Variants in ZDHHC11B observed in about 807,000 individuals in gnomAD.
ZDHHC11B encodes probable palmitoyltransferase ZDHHC11B.
ZDHHC11B carries 17 observed loss-of-function variants against 42.3 expected under a neutral mutation model. The ratio of observed to expected loss-of-function variants is 0.40; its 90% CI spans 0.27 to 0.60. ZDHHC11B has a LOEUF of 0.60. Ranked by LOEUF, ZDHHC11B falls within the 20% of genes least tolerant of loss-of-function variation. ZDHHC11B has a pLI of 0.41. For missense variants in ZDHHC11B, 262 were observed against 463.2 expected (o/e 0.57, Z 3.99); for synonymous variants, 123 against 193.5 (o/e 0.64, Z 3.02).
In ZDHHC11B at chr5:773,421, C is replaced by A. The variant is rs139584692; in HGVS notation, c.-229-4491G>T. Among the ~76,000 whole-genome samples the A allele has an allele frequency of 8.5e-3, 1,285 of 151,752 alleles. 39 individuals carry two copies. Among genetic ancestry groups the A allele is most frequent in the African/African-American group, 0.029 (1,189 of 41,224 alleles). ...GAAGACAAACTGCTCACATGGGGTC[C>A]AAGGACAAGCTCCCAGGCGTGTACC... On this transcript the variant is annotated intron_variant, in intron 1 of 13. Coordinates refer to ENST00000508859, the MANE Select transcript of ZDHHC11B (RefSeq NM_001351303.2).
At chr5:773,011 T>C (rs1736181721) in intron 1 of ZDHHC11B, among the ~76,000 whole-genome samples, 3 of 151,886 alleles carry the variant, frequency 2.0e-5, no homozygotes, top group Non-Finnish European at 4.4e-5. Context: ...TGCTGCTGGG[T>C]CTGGAGGAGC....
At chr5:784,530 C>A (rs1364034835) in intron 1 of ZDHHC11B, among the ~76,000 whole-genome samples, 138 bp downstream of exon 1, 2 of 152,256 alleles carry the variant, frequency 1.3e-5, no homozygotes, top group South Asian at 2.1e-4. Context: ...ACGCGCAGGG[C>A]GGCCCGGGAA....
intron 1 of ZDHHC11B, among the ~76,000 whole-genome samples, chr5:781,318 A>G (rs139777385): frequency 0.079 from 1,055 of 13,388 alleles, 2 homozygotes; most frequent in African/African-American, 0.16. Context: ...CACGGTGCTC[A>G]CTGCTCCTGG....
chr5:724,613 T>G (rs1337506663), intron 12 of ZDHHC11B, among the ~76,000 whole-genome samples: 1 of 141,540 alleles, frequency 7.1e-6, no homozygotes, highest in Non-Finnish European at 1.5e-5. Context: ...CCTGTCCTCT[T>G]GATCTGCTTT....
intron 12 of ZDHHC11B, among the ~76,000 whole-genome samples, chr5:718,044 C>A (rs1741888408): frequency 6.6e-6 from 1 of 151,478 alleles, no homozygotes; most frequent in Non-Finnish European, 1.5e-5. Flanking sequence ...TGGGGTATCA[C>A]CAAATGAATC....
intron 4 of ZDHHC11B, among the ~76,000 whole-genome samples, chr5:764,064 A>AGGCTGCTG (rs1321506428): frequency 6.6e-6 from 1 of 151,956 alleles, no homozygotes; most frequent in African/African-American, 2.4e-5. Flanking sequence ...TCAGGCTGGC[A>AGGCTGCTG]GGCTGCTGTC....
intron 8 of ZDHHC11B, among the ~76,000 whole-genome samples, chr5:745,578 G>T (rs1744703267): frequency 6.7e-6 from 1 of 150,036 alleles, no homozygotes; most frequent in African/African-American, 2.5e-5. Context: ...TCATTGAGCT[G>T]CATTGTTAGT....
chr5:774,576 GT>G (rs1736314506), intron 1 of ZDHHC11B, among the ~76,000 whole-genome samples: 2 of 35,076 alleles, frequency 5.7e-5, no homozygotes, highest in South Asian at 2.3e-3. Flanking sequence ...ACGGCCTGGG[GT>G]CTGTCACTAG....
intron 12 of ZDHHC11B, among the ~76,000 whole-genome samples, chr5:724,838 C>T (rs1177842849): frequency 6.8e-6 from 1 of 147,940 alleles, no homozygotes; most frequent in Non-Finnish European, 1.5e-5. Flanking sequence ...CACCTGGAAG[C>T]GACCAGGGCT....
intron 1 of ZDHHC11B, among the ~76,000 whole-genome samples, chr5:778,148 G>T (rs1281237867): frequency 6.6e-6 from 1 of 151,884 alleles, no homozygotes; most frequent in Admixed American, 6.6e-5. Flanking sequence ...CAAGGCCCAA[G>T]TGAGAATTAA....
chr5:739,391 C>G (rs1193855160), intron 10 of ZDHHC11B, among the ~76,000 whole-genome samples: 1 of 143,698 alleles, frequency 7.0e-6, no homozygotes, highest in Non-Finnish European at 1.5e-5. Context: ...GAGTGAGACT[C>G]TGTCTCAAAC....
intron 4 of ZDHHC11B, among the ~76,000 whole-genome samples, chr5:763,973 T>A (rs145074722): frequency 6.6e-6 from 1 of 151,818 alleles, no homozygotes; most frequent in Admixed American, 6.6e-5. Context: ...TTGACTGTAC[T>A]CTCTACCTCT....
intron 1 of ZDHHC11B, among the ~76,000 whole-genome samples, chr5:783,144 T>C (rs1343750710): frequency 6.6e-6 from 1 of 152,230 alleles, no homozygotes; most frequent in Non-Finnish European, 1.5e-5. Flanking sequence ...GAGATCCCTT[T>C]AGAAACCATG....
intron 4 of ZDHHC11B, among the ~76,000 whole-genome samples, chr5:759,228 G>GCGCCGCA (rs1328862738): frequency 0.024 from 3,610 of 150,350 alleles, 19 homozygotes; most frequent in East Asian, 0.15. Flanking sequence ...GTAAATAAAC[G>GCGCCGCA]GCGCCGCAGC....
intron 10 of ZDHHC11B, among the ~76,000 whole-genome samples, chr5:739,592 C>T (rs1471988399): frequency 6.8e-6 from 1 of 147,984 alleles, no homozygotes; most frequent in African/African-American, 2.5e-5. Context: ...GAAGAATGGC[C>T]ATAATATAAA....
At chr5:772,937 T>C (rs1403761661) in intron 1 of ZDHHC11B, among the ~76,000 whole-genome samples, 6 of 151,842 alleles carry the variant, frequency 4.0e-5, no homozygotes, top group Non-Finnish European at 7.4e-5. Flanking sequence ...TTTAAAAAAG[T>C]TTTTAAACTA....
chr5:751,561 G>GGT (rs1234538740), intron 6 of ZDHHC11B, among the ~76,000 whole-genome samples: 5 of 82,324 alleles, frequency 6.1e-5, no homozygotes, highest in African/African-American at 1.3e-4. Context: ...ATGCAGGGCA[G>GGT]GTGGGGGGTG....
chr5:759,984 G>C lies in ZDHHC11B; in HGVS notation c.223-3840C>G, dbSNP rs191017704. On this transcript the variant is annotated intron_variant, in intron 4 of 13. Coordinates refer to ENST00000508859, the MANE Select transcript of ZDHHC11B (RefSeq NM_001351303.2). ...AGCCGGGGATGCCGTCCTGAGCCCAGCGCCGGCCAGCGGGAGGGGCAGCAT... is the reference window on the plus strand; with the variant it reads ...AGCCGGGGATGCCGTCCTGAGCCCACCGCCGGCCAGCGGGAGGGGCAGCAT... Among the ~76,000 whole-genome samples the C allele has an allele frequency of 1.4e-3, 206 of 151,950 alleles. 1 individual carries two copies. Among genetic ancestry groups the C allele is most frequent in the African/African-American group, 4.9e-3 (202 of 41,388 alleles).
intron 13 of ZDHHC11B, among the ~76,000 whole-genome samples, chr5:715,954 G>A (rs1267644576): frequency 9.3e-5 from 14 of 150,966 alleles, no homozygotes; most frequent in Admixed American, 3.3e-4. Flanking sequence ...TTCTTGTATG[G>A]ATCATGCCTT....
Sources: gnomAD v4.1 joint callset for allele counts (sites outside exome capture counted in the v4.1 genomes callset) on GRCh38, gnomAD v4.1.1 for gene constraint, MANE v1.5 for transcripts, NCBI Gene and HGNC (gene_info 2026-07-23, HGNC 2026-07-21) for gene names.